The following AGBL1 variants were observed in gnomAD, a reference collection of about 807,000 sequenced individuals.
AGBL1 encodes AGBL carboxypeptidase 1.
A neutral mutation model predicts 118.9 loss-of-function variants in AGBL1; 130 were observed. The observed-to-expected ratio is 1.09, with a 90% CI of 0.95 to 1.26. AGBL1 has a LOEUF of 1.26. Among genes scored for constraint, AGBL1 ranks in the 50% most tolerant of loss-of-function variants. AGBL1 has a pLI of 0.00. For synonymous variants in AGBL1, 555 were observed against 478.9 expected, an observed-to-expected ratio of 1.16 and a Z score of -2.08; for missense variants, 1,584 against 1,298.1, an observed-to-expected ratio of 1.22 and a Z score of -3.38.
intron 22 of AGBL1, among the ~76,000 whole-genome samples, chr15:86,728,972 T>C (rs2077493749): frequency 6.6e-6 from 1 of 152,206 alleles, no homozygotes; most frequent in African/African-American, 2.4e-5. Context: ...GTTCAGTACA[T>C]TTAGTTTGTA....
rs77766270 is a variant in AGBL1 at position 86,523,787 on chromosome 15, T to C, written c.2685+848T>C. On this transcript the variant is annotated intron_variant, in intron 19 of 22. Coordinates refer to ENST00000614907, the MANE Select transcript of AGBL1 (RefSeq NM_001386094.1). ...TTCCCAAGCCTCTAGTACTATACAATTGATTGAAAAAACACTATTTGAAAC... is the reference window on the plus strand; with the variant it reads ...TTCCCAAGCCTCTAGTACTATACAACTGATTGAAAAAACACTATTTGAAAC... 1.0e-3 allele frequency among the ~76,000 whole-genome samples: 153 copies of C among 152,296 alleles called. 1 individual carries two copies. The highest frequency in any genetic ancestry group is 3.6e-3 in the African/African-American group (149 of 41,566).
chr15:86,481,208 C>T (rs143009017), intron 18 of AGBL1, among the ~76,000 whole-genome samples: 23 of 151,224 alleles, frequency 1.5e-4, no homozygotes, highest in Middle Eastern at 3.5e-3. Flanking sequence ...GGTTTCTTGG[C>T]AATAAGGATA....
intron 5 of AGBL1, among the ~76,000 whole-genome samples, chr15:86,186,598 T>G (rs558155926): frequency 1.3e-4 from 20 of 152,026 alleles, no homozygotes; most frequent in African/African-American, 4.8e-4. Context: ...GCTATGGGAG[T>G]GCTGTTTTAT....
chr15:86,756,379 C>T (rs188545950), intron 22 of AGBL1, among the ~76,000 whole-genome samples: 2 of 151,968 alleles, frequency 1.3e-5, no homozygotes, highest in East Asian at 3.9e-4. Context: ...AAGGAACTAC[C>T]ATGTGCTGGG....
intron 23 of AGBL1, among the ~76,000 whole-genome samples, chr15:86,943,606 TG>T: frequency 6.6e-6 from 1 of 152,336 alleles, no homozygotes; most frequent in East Asian, 1.9e-4. Flanking sequence ...GTTATGCAGA[TG>T]GGTTCTCTAC....
intron 7 of AGBL1, among the ~76,000 whole-genome samples, chr15:86,253,300 G>A (rs1184069706): frequency 6.6e-6 from 1 of 152,152 alleles, no homozygotes; most frequent in African/African-American, 2.4e-5. Flanking sequence ...ACCCAGGCTG[G>A]AGTGCAGTAG....
chr15:86,079,856 C>A, upstream of AGBL1: 1 of 664,974 alleles, frequency 1.5e-6, no homozygotes, highest in Non-Finnish European at 2.1e-6. Flanking sequence ...GCATGTGCAG[C>A]TGAGGCCTCC....
At chr15:86,341,740 C>T (rs2080464398) in intron 17 of AGBL1, among the ~76,000 whole-genome samples, 1 of 152,152 alleles carries the variant, frequency 6.6e-6, no homozygotes, top group Non-Finnish European at 1.5e-5. Flanking sequence ...GTTGCCCAAA[C>T]TCAGGAGGGC....
rs889406880 is a variant in AGBL1 at position 86,245,087 on chromosome 15, C to T, written c.527-2584C>T. 2.6e-5 allele frequency among the ~76,000 whole-genome samples: 4 copies of T among 152,148 alleles called. No individual in the cohort carries two copies. The East Asian group carries it at 7.7e-4, about 29-fold the overall frequency. ...TTGTAAAGAGAAAAAAACAAACAAA[C>T]AAACACCAACTGCACAAATGGGCCA... On this transcript the variant is annotated intron_variant, in intron 6 of 22. Coordinates refer to ENST00000614907, the MANE Select transcript of AGBL1 (RefSeq NM_001386094.1).
chr15:86,375,398 G>T (rs928680412), intron 17 of AGBL1, among the ~76,000 whole-genome samples: 3 of 151,940 alleles, frequency 2.0e-5, no homozygotes, highest in African/African-American at 7.2e-5. Context: ...CATGAGAACA[G>T]CATGGGGGAG....
chr15:86,251,975 G>T (rs183891469), intron 7 of AGBL1, among the ~76,000 whole-genome samples: 3 of 152,242 alleles, frequency 2.0e-5, no homozygotes, highest in East Asian at 3.9e-4. Context: ...GGGCCTGAAA[G>T]GTTGCTAAAA....
chr15:86,223,239 A>G (rs958999691), intron 5 of AGBL1, among the ~76,000 whole-genome samples: 2 of 152,204 alleles, frequency 1.3e-5, no homozygotes, highest in Admixed American at 1.3e-4. Flanking sequence ...CTAAAACAAA[A>G]GTGCAATGGA....
At chr15:86,726,625 A>C (rs1011216295) in intron 22 of AGBL1, among the ~76,000 whole-genome samples, 8 of 152,176 alleles carry the variant, frequency 5.3e-5, no homozygotes, top group Non-Finnish European at 1.0e-4. Flanking sequence ...GCAGTGGTAC[A>C]GTCACTACTT....
At chr15:87,020,869 A>G (rs772172433) in intron 24 of AGBL1, among the ~76,000 whole-genome samples, 10 of 152,176 alleles carry the variant, frequency 6.6e-5, no homozygotes, top group Non-Finnish European at 1.3e-4. Flanking sequence ...AAACAGAAAA[A>G]CATTCCATGC....
chr15:86,708,590 G>A (rs1326108774), intron 22 of AGBL1, among the ~76,000 whole-genome samples: 1 of 152,132 alleles, frequency 6.6e-6, no homozygotes, highest in African/African-American at 2.4e-5. Context: ...TTAGAGCTAT[G>A]TATATATTAT....
At chr15:86,141,466 A>G (rs2076962249) in intron 1 of AGBL1, among the ~76,000 whole-genome samples, 1 of 152,176 alleles carries the variant, frequency 6.6e-6, no homozygotes, top group Admixed American at 6.5e-5. Flanking sequence ...CCTAGCTAAC[A>G]CAGTGGAAAC....
chr15:86,958,516 T>C (rs2080957070), intron 23 of AGBL1, among the ~76,000 whole-genome samples: 1 of 152,080 alleles, frequency 6.6e-6, no homozygotes, highest in South Asian at 2.1e-4. Context: ...TGGTAGTAAA[T>C]TTAACAGGAA....
intron 22 of AGBL1, among the ~76,000 whole-genome samples, chr15:86,772,306 C>A (rs1018451008): frequency 5.3e-5 from 8 of 152,058 alleles, no homozygotes; most frequent in African/African-American, 1.9e-4. Flanking sequence ...TAGAAATGAG[C>A]ATATTACCCA....
rs963694409 is a variant in AGBL1 at position 86,250,469 on chromosome 15, T to C, written c.735+2590T>C. Among the ~76,000 whole-genome samples the C allele has an allele frequency of 1.5e-4, 19 of 129,408 alleles. No individual in the cohort carries two copies. The Admixed American group carries it at 1.6e-3, about 11-fold the overall frequency. The allele number at this position is 129,408 out of a possible 152,430, so 84.9% of individuals were successfully genotyped here. ...TGAACCCAGGAAGTGGAGGTTGCGA[T>C]GAGTTGAGATCACACCATTGCACTC... On this transcript the variant is annotated intron_variant, in intron 7 of 22. Transcript: ENST00000614907.
Sources: allele counts gnomAD v4.1 joint callset (sites outside exome capture counted in the v4.1 genomes callset), GRCh38; gene constraint gnomAD v4.1.1; transcripts MANE v1.5; gene names NCBI Gene and HGNC (gene_info 2026-07-23, HGNC 2026-07-21).